Variants in NRIP1 observed in about 807,000 individuals in gnomAD.
NRIP1 encodes nuclear receptor interacting protein 1, also known as nuclear receptor-interacting protein 1.
A neutral mutation model predicts 75.0 loss-of-function variants in NRIP1; 28 were observed. That is an observed-to-expected ratio of 0.37 (90% confidence interval 0.28 to 0.51). NRIP1 has a LOEUF of 0.51. Among genes scored for constraint, NRIP1 ranks in the 20% least tolerant of loss-of-function variants. NRIP1 has a pLI of 0.92. For missense variants in NRIP1, 1,435 were observed against 1,343.7 expected (o/e 1.07, Z -1.06); for synonymous variants, 526 against 487.6 (o/e 1.08, Z -1.04).
intron 3 of NRIP1, among the ~76,000 whole-genome samples, chr21:15,000,642 G>T (rs1046691383): frequency 6.6e-6 from 1 of 152,036 alleles, no homozygotes; most frequent in South Asian, 2.1e-4. Context: ...ATCAAAAACT[G>T]TAAGTAAAAA....
At chr21:14,982,369 G>C (rs2147021831) in intron 3 of NRIP1, among the ~76,000 whole-genome samples, 1 of 152,296 alleles carries the variant, frequency 6.6e-6, no homozygotes, top group East Asian at 1.9e-4. Flanking sequence ...CTTCTGCTTA[G>C]TGCCCTTCCC....
intron 1 of NRIP1, among the ~76,000 whole-genome samples, chr21:15,059,779 C>T (rs552916622): frequency 6.6e-6 from 1 of 151,988 alleles, no homozygotes; most frequent in East Asian, 1.9e-4. Context: ...TTTCATAACC[C>T]CAAAGAGTGT....
At position 14,966,043 on chromosome 21, in the gene NRIP1, A is replaced by C. The variant is rs998360367; in HGVS notation, c.2150T>G (p.Leu717Arg). 1 of 1,612,628 alleles carries C rather than the reference A, an allele frequency of 6.2e-7. No homozygotes were observed. Among genetic ancestry groups the C allele is most frequent in the Non-Finnish European group, 8.5e-7 (1 of 1,179,804 alleles). Residue 717 changes from leucine to arginine, a missense_variant, in exon 4 of 4, where the codon CTG (leucine) becomes CGG (arginine). Physicochemically the swap from Leu to Arg is moderately radical, Grantham distance 102. Transcript: ENST00000318948. Reference sequence around the variant, plus strand: ...ACTCTTCCCTTTGTTGGGGTTCCCCAGGAGCAACTGGAGGACAGTACGTCT... The same window carrying C: ...ACTCTTCCCTTTGTTGGGGTTCCCCCGGAGCAACTGGAGGACAGTACGTCT... ...LERRTVLQLL[L>R]GNPNKGKSEK...
chr21:15,049,163 C>T (rs1311968339), intron 1 of NRIP1, among the ~76,000 whole-genome samples: 1 of 152,092 alleles, frequency 6.6e-6, no homozygotes, highest in Non-Finnish European at 1.5e-5. Context: ...AAATTTCTAA[C>T]ACCTAATATT....
At chr21:15,033,251 T>C (rs2088753204) in intron 2 of NRIP1, among the ~76,000 whole-genome samples, 2 of 150,466 alleles carry the variant, frequency 1.3e-5, no homozygotes, top group South Asian at 4.2e-4. Flanking sequence ...AAATACTGCA[T>C]ACTATGTGCC....
chr21:15,007,395 T>C (rs916758090), intron 3 of NRIP1, among the ~76,000 whole-genome samples: 2 of 152,184 alleles, frequency 1.3e-5, no homozygotes, highest in Non-Finnish European at 2.9e-5. Flanking sequence ...TGCTATAAGA[T>C]AGGGTGTTAT....
intron 3 of NRIP1, among the ~76,000 whole-genome samples, chr21:14,997,051 G>A (rs919351759): frequency 6.6e-6 from 1 of 151,984 alleles, no homozygotes; most frequent in African/African-American, 2.4e-5. Context: ...CTGCCTTCCT[G>A]AGAAAAGCAC....
intron 3 of NRIP1, among the ~76,000 whole-genome samples, chr21:14,985,523 C>G (rs2087373894): frequency 6.6e-6 from 1 of 152,142 alleles, no homozygotes; most frequent in Admixed American, 6.5e-5. Context: ...CTCAAGTGAT[C>G]CACCCGCCTC....
intron 3 of NRIP1, among the ~76,000 whole-genome samples, chr21:14,978,369 A>C (rs1211736989): frequency 6.6e-6 from 1 of 152,160 alleles, no homozygotes; most frequent in East Asian, 1.9e-4. Context: ...CTTTTCAATA[A>C]ATTCCGGGGG....
chr21:15,051,071 C>T (rs559168826), intron 1 of NRIP1: 1 of 369,290 alleles, frequency 2.7e-6, no homozygotes, highest in Admixed American at 3.4e-5. Context: ...CACAGATACT[C>T]CAGAAACGGC....
rs1229409439 is a variant in NRIP1 at position 15,008,687 on chromosome 21, G to C, written c.-335+5657C>G. On this transcript the variant is annotated intron_variant, in intron 3 of 3. Coordinates refer to ENST00000318948, the MANE Select transcript of NRIP1 (RefSeq NM_003489.4). ...CACAAAAGCAAGGTTAACATTATTG[G>C]AATAAAAATATAGAAGATTCTGTTC... 2.0e-5 allele frequency among the ~76,000 whole-genome samples: 3 copies of C among 152,088 alleles called. No individual in the cohort carries two copies. In the East Asian group the frequency reaches 5.8e-4, roughly 29 times the overall value.
intron 1 of NRIP1, among the ~76,000 whole-genome samples, chr21:15,048,393 T>G (rs2089134077): frequency 6.6e-6 from 1 of 152,154 alleles, no homozygotes. Context: ...AAAGCTACCC[T>G]ACATCATTAA....
intron 3 of NRIP1, among the ~76,000 whole-genome samples, chr21:14,976,542 A>G (rs948913664): frequency 6.6e-6 from 1 of 152,164 alleles, no homozygotes; most frequent in African/African-American, 2.4e-5. Flanking sequence ...GTGCATACTA[A>G]CAGTTCACAA....
chr21:15,024,590 G>C (rs750302379), intron 2 of NRIP1, among the ~76,000 whole-genome samples: 1 of 151,530 alleles, frequency 6.6e-6, no homozygotes, highest in Non-Finnish European at 1.5e-5. Context: ...GTGTGTGTGT[G>C]TGTGTGTCTG....
In NRIP1 at chr21:15,016,277, A is replaced by C. The variant is rs1486753895; in HGVS notation, c.-457-1811T>G. ...AGGAATTCTAAGAAGAGTAGGAAAC[A>C]ATCACTTGCCCTGATTATATATACC... On this transcript the variant is annotated intron_variant, in intron 2 of 3. Transcript: ENST00000318948. 7.2e-5 allele frequency among the ~76,000 whole-genome samples: 11 copies of C among 152,216 alleles called. 1 individual carries two copies. The highest frequency in any genetic ancestry group is 7.2e-4 in the Admixed American group (11 of 15,288).
intron 1 of NRIP1, among the ~76,000 whole-genome samples, chr21:15,058,841 T>C (rs1475516068): frequency 6.6e-6 from 1 of 152,206 alleles, no homozygotes; most frequent in African/African-American, 2.4e-5. Flanking sequence ...TATATGTGAC[T>C]ACAGCTAAGC....
chr21:15,058,053 A>T (rs937198085), intron 1 of NRIP1, among the ~76,000 whole-genome samples: 2 of 152,220 alleles, frequency 1.3e-5, no homozygotes, highest in Non-Finnish European at 1.5e-5. Flanking sequence ...TTTACTGTCA[A>T]CAACGGCATA....
chr21:14,979,653 T>C lies in NRIP1; in HGVS notation c.-334-11127A>G, dbSNP rs547388117. ...GTATGTTTTGTTAAATATATTGCATTGGATCAAGAATAAGAGGAGAAACCA... is the reference window on the plus strand; with the variant it reads ...GTATGTTTTGTTAAATATATTGCATCGGATCAAGAATAAGAGGAGAAACCA... On this transcript the variant is annotated intron_variant, in intron 3 of 3. Coordinates refer to ENST00000318948, the MANE Select transcript of NRIP1 (RefSeq NM_003489.4). Among the ~76,000 whole-genome samples, 4 of 152,088 alleles carry C rather than the reference T, an allele frequency of 2.6e-5. No homozygotes were observed. In the East Asian group the frequency reaches 5.8e-4, roughly 22 times the overall value.
intron 2 of NRIP1, among the ~76,000 whole-genome samples, chr21:15,027,353 A>G (rs544643982): frequency 6.6e-6 from 1 of 152,332 alleles, no homozygotes; most frequent in South Asian, 2.1e-4. Context: ...GGTTACTTAC[A>G]TAACAGAAAA....
Sources: allele counts gnomAD v4.1 joint callset (sites outside exome capture counted in the v4.1 genomes callset), GRCh38; gene constraint gnomAD v4.1.1; transcripts MANE v1.5; gene names NCBI Gene and HGNC (gene_info 2026-07-23, HGNC 2026-07-21).